The following EBAG9 variants were observed in gnomAD, a reference collection of about 807,000 sequenced individuals.
EBAG9 encodes the protein estrogen receptor binding site associated antigen 9, also known as receptor-binding cancer antigen expressed on SiSo cells.
In EBAG9, 16 loss-of-function variants were observed where a neutral mutation model predicts 30.9. That is an observed-to-expected ratio of 0.52 (90% CI 0.35 to 0.79). EBAG9 has a LOEUF of 0.79. Ranked by LOEUF, EBAG9 falls within the 30% of genes least tolerant of loss-of-function variation. EBAG9 has a pLI of 0.01. For synonymous variants in EBAG9, 93 were observed against 82.8 expected, an observed-to-expected ratio of 1.12 and a Z score of -0.67; for missense variants, 197 against 242.1, an observed-to-expected ratio of 0.81 and a Z score of 1.24.
intron 1 of EBAG9, among the ~76,000 whole-genome samples, chr8:109,543,135 C>CTTTTTTTT (rs557388998): frequency 3.2e-4 from 17 of 52,878 alleles, no homozygotes; most frequent in South Asian, 1.1e-3. Context: ...TATTCTGGTT[C>CTTTTTTTT]TTTTTTTTTT....
chr8:109,549,484 A>G (rs1821451542), intron 1 of EBAG9, among the ~76,000 whole-genome samples: 1 of 152,030 alleles, frequency 6.6e-6, no homozygotes, highest in Non-Finnish European at 1.5e-5. Flanking sequence ...AGTGTTTTGT[A>G]GAATTTACCA....
chr8:109,563,866 C>A (rs767734901), intron 6 of EBAG9, among the ~76,000 whole-genome samples: 3 of 152,060 alleles, frequency 2.0e-5, no homozygotes, highest in African/African-American at 7.2e-5. Context: ...ACCCACCACT[C>A]TTCTCTTTGG....
At chr8:109,558,417 A>G (rs1296895068) in intron 5 of EBAG9, among the ~76,000 whole-genome samples, 1 of 152,140 alleles carries the variant, frequency 6.6e-6, no homozygotes, top group Non-Finnish European at 1.5e-5. Flanking sequence ...ACTTAGCTGA[A>G]TAACATAGCA....
At chr8:109,563,671 TA>T (rs1821753614) in intron 6 of EBAG9, 1 of 920,392 alleles carries the variant, frequency 1.1e-6, no homozygotes, top group Admixed American at 2.9e-5. Context: ...GGGTTTGTCG[TA>T]CAGATATTTC....
rs775025457 is a variant in EBAG9, at chr8:109,564,620, T to C, written c.*61T>C. 2.8e-5 allele frequency: 45 copies of C among 1,596,020 alleles called. No individual in the cohort carries two copies. The highest frequency in any genetic ancestry group is 3.8e-5 in the Non-Finnish European group (44 of 1,170,366). ...TCTCAGCTCCACAACCCAAGCAACA[T>C]TTGTATGGATTTAAGAGTATTTTAA... On this transcript the variant is annotated 3_prime_UTR_variant, in exon 7 of 7. Coordinates refer to ENST00000337573, the MANE Select transcript of EBAG9 (RefSeq NM_004215.5).
In EBAG9 at chr8:109,564,420, A is replaced by G; in HGVS notation, c.522-19A>G. 6.2e-7 allele frequency: 1 copy of G among 1,607,880 alleles called. No individual in the cohort carries two copies. On this transcript the variant is annotated intron_variant, in intron 6 of 6. Coordinates refer to ENST00000337573, the MANE Select transcript of EBAG9 (RefSeq NM_004215.5). The stretch of plus-strand genomic sequence containing the variant: ...ACCTGTTTGGTATTTTCTAAAAGTA[A>G]AAGTATGTTTCTTTTCAGACAGCAG...
intron 6 of EBAG9, chr8:109,563,478 A>C: frequency 6.3e-7 from 1 of 1,597,656 alleles, no homozygotes; most frequent in Non-Finnish European, 8.5e-7. Flanking sequence ...TTAACCAATC[A>C]GTAAAGATAG....
chr8:109,557,880 C>T (rs146168379), intron 5 of EBAG9: 17 of 279,826 alleles, frequency 6.1e-5, no homozygotes, highest in Non-Finnish European at 1.1e-4. Context: ...CTCCAAGGAG[C>T]TGCTTGAATT....
intron 4 of EBAG9, 92 bp downstream of exon 4, chr8:109,554,979 C>G (rs921977831): frequency 2.3e-6 from 3 of 1,325,284 alleles, no homozygotes; most frequent in Non-Finnish European, 3.1e-6. Context: ...ATTAGAAAGC[C>G]TATTTCTTTT....
intron 6 of EBAG9, among the ~76,000 whole-genome samples, chr8:109,561,918 G>T (rs1821719480): frequency 7.2e-6 from 1 of 139,058 alleles, no homozygotes; most frequent in African/African-American, 2.8e-5. Context: ...TTGCAGGTTA[G>T]GGGACGTCAC....
rs1382318556 is a variant in EBAG9, at chr8:109,565,208, A to G, written c.*649A>G. 1 of 152,560 alleles carries G rather than the reference A, an allele frequency of 6.6e-6. No individual in the cohort carries two copies. Among genetic ancestry groups the G allele is most frequent in the Non-Finnish European group, 1.5e-5 (1 of 67,968 alleles). 9.5% of individuals were successfully genotyped at this position (152,560 alleles called of 1,614,324 possible). On this transcript the variant is annotated 3_prime_UTR_variant, in exon 7 of 7. Transcript: ENST00000337573. ...TTCTTTTGGATTAGTGTTGTCATAC[A>G]TGTAATTTATATCACATGTATAAAC...
intron 6 of EBAG9, among the ~76,000 whole-genome samples, chr8:109,563,887 C>T (rs1485044297): frequency 6.6e-6 from 1 of 152,034 alleles, no homozygotes; most frequent in Non-Finnish European, 1.5e-5. Flanking sequence ...TAGAGTTAGT[C>T]ACATGTTAAT....
At chr8:109,551,872 A>T (rs1156963876) in intron 2 of EBAG9, among the ~76,000 whole-genome samples, 2 of 152,168 alleles carry the variant, frequency 1.3e-5, no homozygotes, top group African/African-American at 4.8e-5. Flanking sequence ...ATTTAAGAAT[A>T]AAATAAAAAT....
chr8:109,550,425 A>G (rs1161536334), intron 1 of EBAG9: 1 of 154,716 alleles, frequency 6.5e-6, no homozygotes, highest in South Asian at 2.0e-4. Flanking sequence ...ATTCATCTGC[A>G]AGTTAAAAAT....
Position 109,556,934 on chromosome 8 carries a change from G to A in EBAG9, c.322-1G>A. 1 of 1,559,114 alleles carries A rather than the reference G, an allele frequency of 6.4e-7. No homozygotes were observed. The highest frequency in any genetic ancestry group is 8.7e-7 in the Non-Finnish European group (1 of 1,145,780). ...TAATTCTTTTTCAATTAATCTTTCA[G>A]ATTGTTATTAAGAAGAGAGAACCAT... On this transcript the variant is annotated splice_acceptor_variant, in intron 4 of 6. Transcript: ENST00000337573. LOFTEE classifies it high-confidence loss of function.
intron 1 of EBAG9, 177 bp from the exon 2 acceptor site, chr8:109,550,633 G>A (rs1821473953): frequency 2.1e-6 from 1 of 482,704 alleles, no homozygotes; most frequent in South Asian, 3.1e-5. Flanking sequence ...CGAAAACCTG[G>A]TTTTTGACTT....
At chr8:109,546,307 A>G (rs1340881922) in intron 1 of EBAG9, among the ~76,000 whole-genome samples, 1 of 152,220 alleles carries the variant, frequency 6.6e-6, no homozygotes, top group Non-Finnish European at 1.5e-5. Flanking sequence ...TTGAAATGCA[A>G]TAAACTGTAT....
At chr8:109,549,036 G>C (rs1821443179) in intron 1 of EBAG9, among the ~76,000 whole-genome samples, 1 of 150,708 alleles carries the variant, frequency 6.6e-6, no homozygotes, top group Non-Finnish European at 1.5e-5. Context: ...TATTACTGTA[G>C]GTTTTTCATA....
At chr8:109,541,778 T>C (rs1348096948) in intron 1 of EBAG9, among the ~76,000 whole-genome samples, 1 of 152,206 alleles carries the variant, frequency 6.6e-6, no homozygotes, top group Non-Finnish European at 1.5e-5. Context: ...AAGTAGCGAC[T>C]GAAACATAGT....
Sources: allele counts gnomAD v4.1 joint callset (sites outside exome capture counted in the v4.1 genomes callset), GRCh38; gene constraint gnomAD v4.1.1; transcripts MANE v1.5; gene names NCBI Gene and HGNC (gene_info 2026-07-23, HGNC 2026-07-21).